Variants in CACNA1C observed in about 807,000 individuals in gnomAD.
The protein encoded by CACNA1C is voltage-dependent L-type calcium channel subunit alpha-1C.
CACNA1C carries 30 observed loss-of-function variants against 229.0 expected under a neutral mutation model. The observed-to-expected ratio is 0.13, with a 90% CI of 0.10 to 0.18. The LOEUF is 0.18. Ranked by LOEUF, CACNA1C falls within the 10% of genes least tolerant of loss-of-function variation. The pLI is 1.00. For missense variants in CACNA1C, 1,658 were observed against 2,845.0 expected (o/e 0.58, Z 9.49); for synonymous variants, 1,114 against 1,132.5 (o/e 0.98, Z 0.33).
At chr12:2,136,582 T>C (rs2093526467) in intron 3 of CACNA1C, among the ~76,000 whole-genome samples, 1 of 151,226 alleles carries the variant, frequency 6.6e-6, no homozygotes, top group African/African-American at 2.4e-5. Flanking sequence ...CGCTTCTGTC[T>C]TTACCAAGAG....
chr12:2,359,939 G>T (rs1594064928), intron 3 of CACNA1C, among the ~76,000 whole-genome samples: 2 of 152,088 alleles, frequency 1.3e-5, no homozygotes, highest in African/African-American at 4.8e-5. Context: ...CCAGACGAGA[G>T]CAGCACTGGG....
intron 9 of CACNA1C, among the ~76,000 whole-genome samples, chr12:2,539,834 TA>T (rs2099864793): frequency 8.7e-6 from 1 of 114,468 alleles, no homozygotes; most frequent in Admixed American, 9.2e-5. Context: ...GAGGGCTTCA[TA>T]AAGATGCAGG....
chr12:2,584,643 TG>T (rs2061739636), intron 16 of CACNA1C, 26 bp downstream of exon 16: 1 of 1,484,362 alleles, frequency 6.7e-7, no homozygotes, highest in Non-Finnish European at 9.4e-7. Context: ...TGCCCAGGCC[TG>T]GGGCTCCAGG....
chr12:2,127,280 GC>G (rs1360982031), intron 3 of CACNA1C, among the ~76,000 whole-genome samples: 2 of 152,090 alleles, frequency 1.3e-5, no homozygotes, highest in East Asian at 3.9e-4. Context: ...GAGCCCTATC[GC>G]CCCCCGTGCT....
intron 7 of CACNA1C, among the ~76,000 whole-genome samples, chr12:2,500,209 G>C (rs538504243): frequency 6.6e-6 from 1 of 152,334 alleles, no homozygotes; most frequent in East Asian, 1.9e-4. Flanking sequence ...GACCAAAGCA[G>C]CAGTGTGGGA....
At chr12:2,405,720 A>G (rs1046600430) in intron 3 of CACNA1C, among the ~76,000 whole-genome samples, 1 of 152,186 alleles carries the variant, frequency 6.6e-6, no homozygotes, top group Non-Finnish European at 1.5e-5. Flanking sequence ...TTATGATAGA[A>G]TTGCCTTAGG....
chr12:2,400,769 C>T (rs772458060), intron 3 of CACNA1C, among the ~76,000 whole-genome samples: 7 of 152,116 alleles, frequency 4.6e-5, no homozygotes, highest in African/African-American at 9.7e-5. Flanking sequence ...AGTGCACGGC[C>T]CTGACAGTGC....
intron 1 of CACNA1C, among the ~76,000 whole-genome samples, chr12:2,062,736 C>T (rs1051872247): frequency 1.3e-5 from 2 of 152,174 alleles, no homozygotes; most frequent in Non-Finnish European, 2.9e-5. Context: ...TAGGTCAGTA[C>T]ACCTTGTCTC....
At chr12:2,460,144 C>A (rs1211327882) in intron 5 of CACNA1C, among the ~76,000 whole-genome samples, 1 of 152,224 alleles carries the variant, frequency 6.6e-6, no homozygotes, top group African/African-American at 2.4e-5. Context: ...AAGGAGCCCT[C>A]ACCTTCGGTG....
At chr12:2,612,047 C>T in intron 29 of CACNA1C, 34 bp downstream of exon 29, 2 of 1,281,024 alleles carry the variant, frequency 1.6e-6, no homozygotes, top group Non-Finnish European at 2.3e-6. Context: ...GATTCCCAGG[C>T]ATCAGGGGTG....
intron 1 of CACNA1C, among the ~76,000 whole-genome samples, chr12:2,017,447 C>A (rs2045580595): frequency 6.6e-6 from 1 of 152,140 alleles, no homozygotes; most frequent in Non-Finnish European, 1.5e-5. Flanking sequence ...GATAACTGAT[C>A]ACCCTTAAAA....
At chr12:2,224,626 G>A (rs2062420160) in intron 3 of CACNA1C, among the ~76,000 whole-genome samples, 1 of 152,160 alleles carries the variant, frequency 6.6e-6, no homozygotes. Context: ...TCAGGCTGTT[G>A]TTTTGGCTCA....
intron 3 of CACNA1C, among the ~76,000 whole-genome samples, chr12:2,139,015 G>A (rs2238037): frequency 6.7e-6 from 1 of 150,164 alleles, no homozygotes; most frequent in African/African-American, 2.4e-5. Context: ...GCGTCTCTCA[G>A]TGTGTTTGTT....
chr12:2,311,251 T>C (rs2095422736), intron 3 of CACNA1C, among the ~76,000 whole-genome samples: 1 of 152,216 alleles, frequency 6.6e-6, no homozygotes, highest in African/African-American at 2.4e-5. Flanking sequence ...AAGCAGCGGC[T>C]AGTGGAATTT....
intron 18 of CACNA1C, among the ~76,000 whole-genome samples, chr12:2,590,087 C>G (rs542871371): frequency 7.9e-5 from 12 of 152,180 alleles, no homozygotes; most frequent in Non-Finnish European, 1.5e-5. Flanking sequence ...AAACTAAGCT[C>G]CTTGAGGACA....
intron 3 of CACNA1C, among the ~76,000 whole-genome samples, chr12:2,401,902 A>G (rs74059845): frequency 0.01 from 1,523 of 152,280 alleles, 25 homozygotes; most frequent in African/African-American, 0.035. Flanking sequence ...GGAAGGGAGT[A>G]AAGTGTCACC....
chr12:2,552,825 A>T (rs145815421), intron 10 of CACNA1C, among the ~76,000 whole-genome samples: 1 of 152,166 alleles, frequency 6.6e-6, no homozygotes, highest in Non-Finnish European at 1.5e-5. Flanking sequence ...CAGTGAGGCC[A>T]TGGACAGGGA....
intron 8 of CACNA1C, among the ~76,000 whole-genome samples, chr12:2,508,648 G>A (rs888745308): frequency 6.6e-5 from 10 of 152,136 alleles, no homozygotes; most frequent in Non-Finnish European, 1.3e-4. Flanking sequence ...GCGAGACTCT[G>A]TCTCTAAAAG....
intron 8 of CACNA1C, among the ~76,000 whole-genome samples, chr12:2,510,795 CAGAA>C (rs1197460090): frequency 6.6e-6 from 1 of 151,272 alleles, no homozygotes; most frequent in East Asian, 1.9e-4. Flanking sequence ...TGGAGGTAGA[CAGAA>C]AGACAGTCAA....
Sources: gnomAD v4.1 joint callset for allele counts (sites outside exome capture counted in the v4.1 genomes callset) on GRCh38, gnomAD v4.1.1 for gene constraint, MANE v1.5 for transcripts, NCBI Gene and HGNC (gene_info 2026-07-23, HGNC 2026-07-21) for gene names.